HDAC5: variants seen among roughly 807,000 people sequenced by gnomAD.
HDAC5 encodes the protein histone deacetylase 5.
In HDAC5, 25 loss-of-function variants were observed where a neutral mutation model predicts 133.3. The observed-to-expected ratio is 0.19, with a 90% CI of 0.14 to 0.26. The LOEUF is 0.26. Among genes scored for constraint, HDAC5 ranks in the 10% least tolerant of loss-of-function variants. The pLI is 1.00. For missense variants in HDAC5, 1,041 were observed against 1,460.5 expected (o/e 0.71, Z 4.68); for synonymous variants, 589 against 610.8 (o/e 0.96, Z 0.53).
At chr17:44,097,457 G>GT (rs2051341734) in intron 3 of HDAC5, among the ~76,000 whole-genome samples, 1 of 152,114 alleles carries the variant, frequency 6.6e-6, no homozygotes, top group African/African-American at 2.4e-5. Context: ...CCCATGTCCT[G>GT]CCCCAGCACC....
rs578087828 is a variant in HDAC5 at position 44,092,264 on chromosome 17, C to G, written c.940G>C (p.Ala314Pro). The change falls in exon 9 of 27, where the codon GCA becomes CCA. Residue 314 changes from alanine (A) to proline (P), a missense_variant. Ala to Pro is a conservative substitution (Grantham distance 27, BLOSUM62 -1). Coordinates refer to ENST00000682912, the MANE Select transcript of HDAC5 (RefSeq NM_005474.5). Reference sequence around the variant, plus strand: ...GGAGAGCTGGGGCCGGAGCCGGGTGCGCTGTTACACACGGACGACGCTATA... The same window carrying G: ...GGAGAGCTGGGGCCGGAGCCGGGTGGGCTGTTACACACGGACGACGCTATA... ...GPGASSVCNS[A>P]PGSGPSSPNS... The G allele has an allele frequency of 3.7e-6, 6 of 1,613,928 alleles. No individual in the cohort carries two copies. The East Asian group carries it at 6.7e-5, about 18-fold the overall frequency.
At chr17:44,094,330 AAAAAAAC>A (rs1271195179) in intron 3 of HDAC5, among the ~76,000 whole-genome samples, 9 of 151,286 alleles carry the variant, frequency 5.9e-5, no homozygotes, top group Non-Finnish European at 1.2e-4. Flanking sequence ...TCCAGAAAAA[AAAAAAAC>A]AAAAAACAAA....
At position 44,088,971 on chromosome 17, in the gene HDAC5, G is replaced by A. The variant is rs75752205; in HGVS notation, c.1388-373C>T. On this transcript the variant is annotated intron_variant, in intron 11 of 26. Coordinates refer to ENST00000682912, the MANE Select transcript of HDAC5 (RefSeq NM_005474.5). ...ATCATGGATCCTCCCCGTGGATCCC[G>A]CCAGGCTAGGAAGCCCTAGGGCCAG... Among the ~76,000 whole-genome samples, 1,174 of 152,026 alleles carry A rather than the reference G, an allele frequency of 7.7e-3. 14 individuals carry two copies. The highest frequency in any genetic ancestry group is 0.027 in the African/African-American group (1,111 of 41,452).
In HDAC5 at chr17:44,117,995, CA is replaced by C. The variant is rs2052754036; in HGVS notation, c.-189-292del. ...CTGGGGAGACCCTATAGACTCCCAA[CA>C]GTGCCTGCCATGGGACTAGGTGTGC... On this transcript the variant is annotated intron_variant, in intron 1 of 26. Coordinates refer to ENST00000682912, the MANE Select transcript of HDAC5 (RefSeq NM_005474.5). This position sits in a 1 kb window ranked among gnomAD's most constrained non-coding sequence, Gnocchi z 4.2. Among the ~76,000 whole-genome samples the C allele has an allele frequency of 6.6e-6, 1 of 152,202 alleles. No homozygotes were observed. Among genetic ancestry groups the C allele is most frequent in the Non-Finnish European group, 1.5e-5 (1 of 68,030 alleles).
At chr17:44,080,654 C>T (rs1202161037) in intron 21 of HDAC5, 109 bp downstream of exon 21, 1 of 1,530,262 alleles carries the variant, frequency 6.5e-7, no homozygotes, top group Admixed American at 1.7e-5. Context: ...GGAGCCCAGA[C>T]TCCCCAGGTA....
In HDAC5 at chr17:44,085,014, T is replaced by G; in HGVS notation, c.2184+8A>C. ...GTTGAGAGCCAGAAGAAGGAGGGGC[T>G]CCCTTACCTCGCACTTGCTAAGCAG... is the stretch of plus-strand genomic sequence containing the variant. On this transcript the variant is annotated splice_region_variant and intron_variant, in intron 15 of 26. Coordinates refer to ENST00000682912, the MANE Select transcript of HDAC5 (RefSeq NM_005474.5). 4 of 1,561,468 alleles carry G rather than the reference T, an allele frequency of 2.6e-6. No individual in the cohort carries two copies. Among genetic ancestry groups the G allele is most frequent in the Non-Finnish European group, 3.5e-6 (4 of 1,145,288 alleles).
intron 1 of HDAC5, among the ~76,000 whole-genome samples, chr17:44,121,325 T>C (rs1035476456): frequency 2.0e-5 from 3 of 151,964 alleles, no homozygotes; most frequent in Admixed American, 6.6e-5. Context: ...TTTAATTAGC[T>C]AAAGTCGGCT....
intron 23 of HDAC5, among the ~76,000 whole-genome samples, chr17:44,079,593 T>C (rs2050284606): frequency 8.3e-6 from 1 of 120,360 alleles, no homozygotes; most frequent in South Asian, 2.8e-4. Flanking sequence ...TGAGCCGAGA[T>C]CACGCCATTG....
intron 16 of HDAC5, 45 bp downstream of exon 16, chr17:44,084,510 C>T (rs1555630301): frequency 6.2e-7 from 1 of 1,609,162 alleles, no homozygotes; most frequent in South Asian, 1.1e-5. Flanking sequence ...CCCATCCCAC[C>T]CTGACACTGA....
Position 44,117,887 on chromosome 17 carries a change from A to AG in HDAC5, c.-189-184dup, listed in dbSNP as rs1230542090. On this transcript the variant is annotated intron_variant, in intron 1 of 26. Transcript: ENST00000682912. This position sits in a 1 kb window ranked among gnomAD's most constrained non-coding sequence, Gnocchi z 4.2. ...TGGTTTCTTATCTTACTAACTGATG[A>AG]GGCTCCCAGAGCCCAAGGGATAGGA... Among the ~76,000 whole-genome samples the AG allele has an allele frequency of 6.6e-6, 1 of 152,176 alleles. No individual in the cohort carries two copies. Among genetic ancestry groups the AG allele is most frequent in the African/African-American group, 2.4e-5 (1 of 41,438 alleles).
In HDAC5 at chr17:44,109,715, C is replaced by T. The variant is rs553239980; in HGVS notation, c.94+1014G>A. Among the ~76,000 whole-genome samples the T allele has an allele frequency of 5.9e-5, 9 of 152,392 alleles. No individual in the cohort carries two copies. In the South Asian group the frequency reaches 1.7e-3, roughly 28 times the overall value. The stretch of plus-strand genomic sequence containing the variant: ...AATCACAGGCACCTGCAGAGGCACA[C>T]AGTTCCCACTTTCCAATTTGAAGCT... On this transcript the variant is annotated intron_variant, in intron 3 of 26. Coordinates refer to ENST00000682912, the MANE Select transcript of HDAC5 (RefSeq NM_005474.5).
Position 44,088,567 on chromosome 17 carries a change from C to T in HDAC5, c.1419G>A (p.Thr473=), listed in dbSNP as rs376274172. 4 of 1,613,410 alleles carry T rather than the reference C, an allele frequency of 2.5e-6. No individual in the cohort carries two copies. Among genetic ancestry groups the T allele is most frequent in the South Asian group, 1.1e-5 (1 of 91,068 alleles). The change falls in exon 12 of 27, where the codon ACG becomes ACA. Residue 473 remains threonine (T), a synonymous_variant. Transcript: ENST00000682912. ...GCATGCTGGTGGCCACACGTTCACC[C>T]GTCACTAGTGGGGACTGCCCGTGGA... The part of the protein sequence containing the change: ...VPLHGQSPLV[T]GERVATSMRT...
intron 1 of HDAC5, among the ~76,000 whole-genome samples, chr17:44,119,290 G>A (rs532601314): frequency 3.3e-5 from 5 of 152,218 alleles, no homozygotes; most frequent in African/African-American, 4.8e-5. Context: ...ACCCTTTCCC[G>A]TGGGCTGGGG....
At chr17:44,108,222 G>A (rs768848492) in intron 3 of HDAC5, among the ~76,000 whole-genome samples, 7 of 152,164 alleles carry the variant, frequency 4.6e-5, no homozygotes, top group African/African-American at 7.2e-5. Context: ...CCTGTCCTTC[G>A]GTAGGCTAAG....
rs1567683673 is a variant in HDAC5, at chr17:44,108,772, AC to A, written c.94+1956del. Among the ~76,000 whole-genome samples the A allele has an allele frequency of 3.8e-4, 54 of 143,144 alleles. 1 individual carries two copies. The highest frequency in any genetic ancestry group is 1.2e-3 in the African/African-American group (43 of 35,734). The allele number at this position is 143,144 out of a possible 152,430, so 93.9% of individuals were successfully genotyped here. A position where few individuals can be genotyped will look rare whatever the true frequency, so the allele number is the denominator to read the frequency against. Reference sequence around the variant, plus strand: ...AGTCCAAAAAAAAAACAAAAAAAAAACAAAAAAAAAACAAGGCTGCCGAGCT... The same window carrying A: ...AGTCCAAAAAAAAAACAAAAAAAAAAAAAAAAAAAACAAGGCTGCCGAGCT... On this transcript the variant is annotated intron_variant, in intron 3 of 26. Transcript: ENST00000682912.
At chr17:44,107,445 T>C (rs1256112327) in intron 3 of HDAC5, among the ~76,000 whole-genome samples, 1 of 151,782 alleles carries the variant, frequency 6.6e-6, no homozygotes, top group Non-Finnish European at 1.5e-5. Flanking sequence ...CCATCTCTAC[T>C]AAAAATACAA....
chr17:44,100,850 G>T (rs763407276), intron 3 of HDAC5, among the ~76,000 whole-genome samples: 5 of 149,184 alleles, frequency 3.4e-5, no homozygotes, highest in Admixed American at 3.3e-4. Context: ...GTGCAGTGGC[G>T]TGATCTCGGC....
intron 9 of HDAC5, 92 bp from the exon 10 acceptor site, chr17:44,091,923 T>A: frequency 7.1e-7 from 1 of 1,410,162 alleles, no homozygotes; most frequent in Non-Finnish European, 9.6e-7. Context: ...GGTCTCTGAA[T>A]GGTGCCCAGT....
At chr17:44,110,043 G>A (rs1373776276) in intron 3 of HDAC5, among the ~76,000 whole-genome samples, 3 of 152,238 alleles carry the variant, frequency 2.0e-5, no homozygotes, top group Admixed American at 6.5e-5. Context: ...AGGGGGTCCC[G>A]AAGCCCATCT....
Sources: gnomAD v4.1 joint callset for allele counts (sites outside exome capture counted in the v4.1 genomes callset) on GRCh38, gnomAD v4.1.1 for gene constraint, Gnocchi (gnomAD v3.1) non-coding constraint, MANE v1.5 for transcripts, NCBI Gene and HGNC (gene_info 2026-07-23, HGNC 2026-07-21) for gene names.